The following ADAMTS18 variants were observed in gnomAD, a reference collection of about 807,000 sequenced individuals.
The protein encoded by ADAMTS18 is ADAM metallopeptidase with thrombospondin type 1 motif 18, also known as A disintegrin and metalloproteinase with thrombospondin motifs 18.
Under a neutral mutation model 165.9 loss-of-function variants are expected in ADAMTS18, and 157 were observed. The observed-to-expected ratio is 0.95, with a 90% CI of 0.83 to 1.08. The LOEUF is 1.08. Among genes scored for constraint, ADAMTS18 ranks in the 50% least tolerant of loss-of-function variants. The probability of loss-of-function intolerance (pLI) is 0.00; values close to 1 mark genes in which losing one functional copy is unlikely to be tolerated. For missense variants in ADAMTS18, 2,040 were observed against 1,534.0 expected (o/e 1.33, Z -5.51); for synonymous variants, 782 against 578.2 (o/e 1.35, Z -5.06).
intron 3 of ADAMTS18, among the ~76,000 whole-genome samples, chr16:77,405,341 G>A (rs2057380587): frequency 6.6e-6 from 1 of 152,138 alleles, no homozygotes; most frequent in Admixed American, 6.5e-5. Context: ...AGAACAGCTT[G>A]CAATGTCCAA....
At chr16:77,358,881 G>C (rs2056670099) in intron 8 of ADAMTS18, among the ~76,000 whole-genome samples, 2 of 152,182 alleles carry the variant, frequency 1.3e-5, no homozygotes, top group Non-Finnish European at 2.9e-5. Flanking sequence ...CCAATCAAAA[G>C]AATATTAAGT....
chr16:77,299,806 G>A (rs1290280207), intron 17 of ADAMTS18, among the ~76,000 whole-genome samples: 2 of 152,038 alleles, frequency 1.3e-5, no homozygotes, highest in Non-Finnish European at 2.9e-5. Context: ...TACCCCTGAG[G>A]GGATATCCAT....
chr16:77,297,036 G>T (rs2055486333), intron 18 of ADAMTS18, among the ~76,000 whole-genome samples: 1 of 152,138 alleles, frequency 6.6e-6, no homozygotes, highest in Non-Finnish European at 1.5e-5. Flanking sequence ...TATGTAAGTG[G>T]CACAATCATG....
At chr16:77,303,137 C>T (rs560218866) in intron 16 of ADAMTS18, among the ~76,000 whole-genome samples, 1 of 152,328 alleles carries the variant, frequency 6.6e-6, no homozygotes, top group Admixed American at 6.5e-5. Context: ...CTTTACTACA[C>T]ACTGATTCCA....
chr16:77,411,803 C>T (rs1307314269), intron 3 of ADAMTS18, among the ~76,000 whole-genome samples: 1 of 149,020 alleles, frequency 6.7e-6, no homozygotes, highest in Non-Finnish European at 1.5e-5. Context: ...TCTCCTGTCT[C>T]AGCCTCCTGA....
chr16:77,319,892 C>T lies in ADAMTS18; in HGVS notation c.2489G>A (p.Arg830His), dbSNP rs1035878515. 1.1e-5 allele frequency: 18 copies of T among 1,613,982 alleles called. No individual in the cohort carries two copies. Among genetic ancestry groups the T allele is most frequent in the Middle Eastern group, 1.6e-4 (1 of 6,084 alleles). Residue 830 changes from arginine (R) to histidine (H), a missense_variant, in exon 16 of 23, where the codon CGT (arginine) becomes CAT (histidine). Coordinates refer to ENST00000282849, the MANE Select transcript of ADAMTS18 (RefSeq NM_199355.4). The stretch of plus-strand genomic sequence containing the variant: ...ATTTGTGGGCCCTGGCGCGTACAGA[C>T]GTTCCGGGCGGTTGAAAGAGCGCTG... ...EYQRSFNRPERLYAPGPTNET... is the reference protein window; with the variant it reads ...EYQRSFNRPEHLYAPGPTNET...
chr16:77,284,041 C>G lies in ADAMTS18; in HGVS notation c.3581G>C (p.Trp1194Ser), dbSNP rs1234993874. Reference protein sequence around the residue: ...EDPSCVDFFNWCHLVPQHGVC... With the variant: ...EDPSCVDFFNSCHLVPQHGVC... Reference sequence around the variant, plus strand: ...ACCATGCTGAGGAACTAGGTGACACCAGTTGAAGAAATCTACGCAGGATGG... The same window carrying G: ...ACCATGCTGAGGAACTAGGTGACACGAGTTGAAGAAATCTACGCAGGATGG... Residue 1194 changes from tryptophan (W) to serine (S), a missense_variant, in exon 23 of 23, where the codon TGG becomes TCG. Coordinates refer to ENST00000282849, the MANE Select transcript of ADAMTS18 (RefSeq NM_199355.4). 8.1e-6 allele frequency: 13 copies of G among 1,613,568 alleles called. No homozygotes were observed. The highest frequency in any genetic ancestry group is 1.0e-5 in the Non-Finnish European group (12 of 1,179,696).
Position 77,283,318 on chromosome 16 carries a change from T to G in ADAMTS18, c.*638A>C, listed in dbSNP as rs1171049111. ...TTCATAATATTCCTTGGAATACTTT[T>G]CAAGTTGTCAATTTTAGTCTCAGAG... On this transcript the variant is annotated 3_prime_UTR_variant, in exon 23 of 23. Coordinates refer to ENST00000282849, the MANE Select transcript of ADAMTS18 (RefSeq NM_199355.4). 1 of 152,900 alleles carries G rather than the reference T, an allele frequency of 6.5e-6. No homozygotes were observed. Among genetic ancestry groups the G allele is most frequent in the African/African-American group, 2.4e-5 (1 of 41,446 alleles). 9.5% of individuals were successfully genotyped at this position (152,900 alleles called of 1,614,324 possible).
intron 11 of ADAMTS18, among the ~76,000 whole-genome samples, chr16:77,337,033 G>T (rs1047026589): frequency 6.6e-6 from 1 of 152,212 alleles, no homozygotes; most frequent in African/African-American, 2.4e-5. Context: ...ACTGTTTACT[G>T]TGTGGCTTGG....
At chr16:77,382,336 G>C (rs2057043652) in intron 3 of ADAMTS18, among the ~76,000 whole-genome samples, 1 of 152,076 alleles carries the variant, frequency 6.6e-6, no homozygotes, top group Non-Finnish European at 1.5e-5. Context: ...TCAGCCTCCT[G>C]AGTAGCTGGG....
chr16:77,320,175 T>C lies in ADAMTS18; in HGVS notation c.2288-82A>G, dbSNP rs2055969796. ...ACTAGAAATGGCCCGACATGTAGTG[T>C]TCAGTTTTATAGAGTGAGGTTTTTA... On this transcript the variant is annotated intron_variant, in intron 15 of 22. Transcript: ENST00000282849. 1.9e-6 allele frequency: 3 copies of C among 1,540,808 alleles called. No homozygotes were observed. The South Asian group carries it at 3.4e-5, about 17-fold the overall frequency.
At chr16:77,392,888 T>A (rs1455378176) in intron 3 of ADAMTS18, among the ~76,000 whole-genome samples, 1 of 152,132 alleles carries the variant, frequency 6.6e-6, no homozygotes, top group Non-Finnish European at 1.5e-5. Context: ...ATCTATTAAA[T>A]CCTTTTCTAT....
intron 3 of ADAMTS18, among the ~76,000 whole-genome samples, chr16:77,393,446 T>C (rs2057216405): frequency 6.6e-6 from 1 of 152,224 alleles, no homozygotes; most frequent in African/African-American, 2.4e-5. Flanking sequence ...TGCTATGATC[T>C]GAATGTTTGT....
At chr16:77,416,868 G>A (rs1434229564) in intron 3 of ADAMTS18, among the ~76,000 whole-genome samples, 2 of 152,124 alleles carry the variant, frequency 1.3e-5, no homozygotes, top group Non-Finnish European at 2.9e-5. Flanking sequence ...AGATGAGAAT[G>A]ATTTAGAACA....
chr16:77,370,029 A>T (rs978107267), intron 3 of ADAMTS18, among the ~76,000 whole-genome samples: 2 of 152,218 alleles, frequency 1.3e-5, no homozygotes, highest in African/African-American at 4.8e-5. Flanking sequence ...AAAATTTAAC[A>T]TCTCTTCATG....
In ADAMTS18 at chr16:77,295,031, C is replaced by T. The variant is rs1314430963; in HGVS notation, c.2898G>A (p.Lys966=). ...IQCVQKKPFQ[K]EEAVLHSLCP... is the part of the protein sequence containing the mutation. ...AGAGAGAATGCAACACTGCTTCCTCCTTTTGGAAGGGCTTCTTTTGCACAC... is the reference window on the plus strand; with the variant it reads ...AGAGAGAATGCAACACTGCTTCCTCTTTTTGGAAGGGCTTCTTTTGCACAC... The change falls in exon 19 of 23, where the codon AAG becomes AAA. Residue 966 remains lysine, a synonymous_variant. Coordinates refer to ENST00000282849, the MANE Select transcript of ADAMTS18 (RefSeq NM_199355.4). 1 of 1,614,174 alleles carries T rather than the reference C, an allele frequency of 6.2e-7. No homozygotes were observed.
rs578013527 is a variant in ADAMTS18, at chr16:77,331,767, A to T, written c.1859+3989T>A. On this transcript the variant is annotated intron_variant, in intron 12 of 22. Coordinates refer to ENST00000282849, the MANE Select transcript of ADAMTS18 (RefSeq NM_199355.4). Reference sequence around the variant, plus strand: ...TACAGGACAAATCTCCAAAACAAAGAATTTGCCAGCCCATGTCAATAGTGC... The same window carrying T: ...TACAGGACAAATCTCCAAAACAAAGTATTTGCCAGCCCATGTCAATAGTGC... Among the ~76,000 whole-genome samples the T allele has an allele frequency of 5.3e-5, 8 of 152,284 alleles. No homozygotes were observed. In the South Asian group the frequency reaches 1.2e-3, roughly 24 times the overall value.
Position 77,328,358 on chromosome 16 carries a change from T to C in ADAMTS18, c.1860-2320A>G, listed in dbSNP as rs114339606. On this transcript the variant is annotated intron_variant, in intron 12 of 22. Transcript: ENST00000282849. ...AACATGAAAGGCGGCTCCAGGTTAA[T>C]AAATTTATGTGATTAAAATTCCTTG... Among the ~76,000 whole-genome samples the C allele has an allele frequency of 2.3e-3, 351 of 152,246 alleles. 4 individuals carry two copies. Among genetic ancestry groups the C allele is most frequent in the African/African-American group, 7.3e-3 (302 of 41,550 alleles).
At chr16:77,394,355 C>T (rs1247033408) in intron 3 of ADAMTS18, among the ~76,000 whole-genome samples, 1 of 152,042 alleles carries the variant, frequency 6.6e-6, no homozygotes, top group Non-Finnish European at 1.5e-5. Flanking sequence ...AGTTATATAT[C>T]CTCTCCGAGC....
Sources: gnomAD v4.1 joint callset for allele counts (sites outside exome capture counted in the v4.1 genomes callset) on GRCh38, gnomAD v4.1.1 for gene constraint, MANE v1.5 for transcripts, NCBI Gene and HGNC (gene_info 2026-07-23, HGNC 2026-07-21) for gene names.